Variants in DLG5 observed in about 807,000 individuals in gnomAD.
DLG5 encodes the protein discs large MAGUK scaffold protein 5, also known as disks large homolog 5.
In DLG5, 48 loss-of-function variants were observed where a neutral mutation model predicts 189.8. That is an observed-to-expected ratio of 0.25 (90% CI 0.20 to 0.32). The LOEUF (loss-of-function observed/expected upper bound fraction) is 0.32. Among genes scored for constraint, DLG5 ranks in the 10% least tolerant of loss-of-function variants. DLG5 has a pLI of 1.00. For missense variants in DLG5, 2,160 were observed against 2,544.7 expected, an observed-to-expected ratio of 0.85 and a Z score of 3.25; for synonymous variants, 1,016 against 1,054.1, an observed-to-expected ratio of 0.96 and a Z score of 0.70.
intron 16 of DLG5, 64 bp from the exon 17 acceptor site, chr10:77,819,529 G>A: frequency 6.5e-7 from 1 of 1,545,418 alleles, no homozygotes. Flanking sequence ...ACTTACACAA[G>A]CCTTTCCCCT....
At position 77,830,852 on chromosome 10, in the gene DLG5, C is replaced by T. The variant is rs141030770; in HGVS notation, c.1770G>A (p.Leu590=). ...KELKEQMESQ[L]EKEARFRQLM... Reference sequence around the variant, plus strand: ...GCTGTCGGAACCGGGCCTCCTTTTCCAACTGGGATTCCATCTGTTCCCTGT... The same window carrying T: ...GCTGTCGGAACCGGGCCTCCTTTTCTAACTGGGATTCCATCTGTTCCCTGT... Residue 590 remains leucine (L), a synonymous_variant, in exon 10 of 32, where the codon TTG becomes TTA. Coordinates refer to ENST00000372391, the MANE Select transcript of DLG5 (RefSeq NM_004747.4). The T allele has an allele frequency of 3.3e-4, 537 of 1,614,122 alleles. 2 individuals carry two copies. In the African/African-American group the frequency reaches 6.7e-3, roughly 20 times the overall value.
At position 77,813,467 on chromosome 10, in the gene DLG5, G is replaced by T. The variant is rs147427913; in HGVS notation, c.4026-1090C>A. Among the ~76,000 whole-genome samples the T allele has an allele frequency of 5.4e-3, 819 of 152,172 alleles. 8 individuals carry two copies. Among genetic ancestry groups the T allele is most frequent in the African/African-American group, 0.019 (774 of 41,524 alleles). On this transcript the variant is annotated intron_variant, in intron 20 of 31. Coordinates refer to ENST00000372391, the MANE Select transcript of DLG5 (RefSeq NM_004747.4). The stretch of plus-strand genomic sequence containing the variant: ...TCCCTGCTCTCTCCCACCCTCCAAA[G>T]TGTTCCCACTTCCCAAACTTGCCCA...
At chr10:77,870,358 C>T (rs1485489541) in intron 1 of DLG5, among the ~76,000 whole-genome samples, 1 of 152,194 alleles carries the variant, frequency 6.6e-6, no homozygotes, top group Non-Finnish European at 1.5e-5. Context: ...AGATCCTGGG[C>T]TCCACAACAA....
At chr10:77,875,335 G>A (rs1018692095) in intron 1 of DLG5, among the ~76,000 whole-genome samples, 2 of 152,136 alleles carry the variant, frequency 1.3e-5, no homozygotes, top group African/African-American at 2.4e-5. Context: ...GACAACAGGC[G>A]GAACCCATTT....
intron 20 of DLG5, among the ~76,000 whole-genome samples, chr10:77,813,551 C>T (rs999052907): frequency 2.6e-5 from 4 of 152,180 alleles, no homozygotes; most frequent in South Asian, 2.1e-4. Context: ...ACTACACCCA[C>T]GGTCCCTTCC....
chr10:77,918,937 C>G (rs1398074787), intron 1 of DLG5, among the ~76,000 whole-genome samples: 1 of 152,074 alleles, frequency 6.6e-6, no homozygotes, highest in Non-Finnish European at 1.5e-5. Flanking sequence ...AGACAACGGC[C>G]GAGAGTGGTG....
intron 1 of DLG5, among the ~76,000 whole-genome samples, chr10:77,885,236 C>T (rs923238875): frequency 1.3e-5 from 2 of 151,702 alleles, no homozygotes; most frequent in Non-Finnish European, 3.0e-5. Flanking sequence ...GATGCCTACG[C>T]TCAGAAAACA....
chr10:77,925,254 T>C (rs1055116099), intron 1 of DLG5, among the ~76,000 whole-genome samples: 5 of 152,156 alleles, frequency 3.3e-5, no homozygotes, highest in Non-Finnish European at 7.3e-5. Context: ...AAAGCTCACA[T>C]AGTGGCAACG....
chr10:77,807,960 G>A lies in DLG5; in HGVS notation c.4648-16C>T. ...GGCTGCCATACTGCCAGGGATGGGGGTGGATGCATCAGAAGGCAGAAGCCA... is the reference window on the plus strand; with the variant it reads ...GGCTGCCATACTGCCAGGGATGGGGATGGATGCATCAGAAGGCAGAAGCCA... On this transcript the variant is annotated splice_polypyrimidine_tract_variant and intron_variant, in intron 24 of 31. Transcript: ENST00000372391. The A allele has an allele frequency of 6.2e-7, 1 of 1,613,800 alleles. No homozygotes were observed. The highest frequency in any genetic ancestry group is 8.5e-7 in the Non-Finnish European group (1 of 1,179,916).
At chr10:77,835,387 AG>A (rs1843075018) in intron 8 of DLG5, among the ~76,000 whole-genome samples, 1 of 152,188 alleles carries the variant, frequency 6.6e-6, no homozygotes, top group African/African-American at 2.4e-5. Flanking sequence ...CCTGGCACAC[AG>A]TAGGCGCCCG....
chr10:77,805,518 C>T (rs544830215), intron 27 of DLG5, 147 bp downstream of exon 27: 1 of 874,828 alleles, frequency 1.1e-6, no homozygotes, highest in South Asian at 2.0e-5. Context: ...ATGGCAGCAC[C>T]CCCCGACCAA....
intron 1 of DLG5, among the ~76,000 whole-genome samples, chr10:77,891,747 C>T (rs1167558891): frequency 1.3e-5 from 2 of 152,220 alleles, no homozygotes; most frequent in Admixed American, 6.5e-5. Context: ...CCCCTCAGCA[C>T]TTCATCTCAA....
chr10:77,829,882 G>A (rs1842820650), intron 11 of DLG5, among the ~76,000 whole-genome samples: 1 of 152,222 alleles, frequency 6.6e-6, no homozygotes, highest in Admixed American at 6.5e-5. Context: ...AAATAGCACT[G>A]TAATAGTGTT....
chr10:77,865,914 G>T (rs1326514980), intron 2 of DLG5, among the ~76,000 whole-genome samples: 2 of 152,186 alleles, frequency 1.3e-5, no homozygotes, highest in African/African-American at 2.4e-5. Flanking sequence ...ACACGCCCCA[G>T]GCTTCAGCCT....
chr10:77,927,441 C>T (rs1846735811), upstream of DLG5: 1 of 152,230 alleles, frequency 6.6e-6, no homozygotes, highest in African/African-American at 2.4e-5. Context: ...AAGACCTCCG[C>T]CGAATCCGTG....
chr10:77,848,395 A>G (rs1843795374), intron 5 of DLG5, among the ~76,000 whole-genome samples: 1 of 152,168 alleles, frequency 6.6e-6, no homozygotes. Context: ...GGGAAAGGGC[A>G]AGGAGGAGGA....
intron 13 of DLG5, 127 bp downstream of exon 13, chr10:77,828,755 G>T: frequency 1.3e-6 from 1 of 796,654 alleles, no homozygotes; most frequent in Non-Finnish European, 2.0e-6. Flanking sequence ...ATTTTTAAAT[G>T]TTCACATAGT....
Position 77,807,942 on chromosome 10 carries a change from A to G in DLG5, c.4650T>C (p.Tyr1550=), listed in dbSNP as rs201456257. 3.1e-6 allele frequency: 5 copies of G among 1,614,106 alleles called. No individual in the cohort carries two copies. Among genetic ancestry groups the G allele is most frequent in the African/African-American group, 1.3e-5 (1 of 75,040 alleles). ...TCTTGTTCCGCACGTCCAGGCTGCCATACTGCCAGGGATGGGGGTGGATGC... is the reference window on the plus strand; with the variant it reads ...TCTTGTTCCGCACGTCCAGGCTGCCGTACTGCCAGGGATGGGGGTGGATGC... ...GLVPGDLILE[Y]GSLDVRNKTV... Residue 1550 remains tyrosine (Y), a splice_region_variant and synonymous_variant, in exon 25 of 32, where the codon TAT becomes TAC. Coordinates refer to ENST00000372391, the MANE Select transcript of DLG5 (RefSeq NM_004747.4).
Position 77,823,522 on chromosome 10 carries a change from T to C in DLG5, c.2382+862A>G, listed in dbSNP as rs1050409816. Among the ~76,000 whole-genome samples, 3 of 137,658 alleles carry C rather than the reference T, an allele frequency of 2.2e-5. No homozygotes were observed. In the Admixed American group the frequency reaches 2.5e-4, roughly 11 times the overall value. 90.3% of individuals were successfully genotyped at this position (137,658 alleles called of 152,430 possible). On this transcript the variant is annotated intron_variant, in intron 14 of 31. Coordinates refer to ENST00000372391, the MANE Select transcript of DLG5 (RefSeq NM_004747.4). The stretch of plus-strand genomic sequence containing the variant: ...AGTTACAAATATCATGACATGTCAC[T>C]TCCCTTCCTTTTTTTTTTTTTTTTT...
Sources: gnomAD v4.1 joint callset for allele counts (sites outside exome capture counted in the v4.1 genomes callset) on GRCh38, gnomAD v4.1.1 for gene constraint, MANE v1.5 for transcripts, NCBI Gene and HGNC (gene_info 2026-07-23, HGNC 2026-07-21) for gene names.